The following DTNA variants were observed in gnomAD, a reference collection of about 807,000 sequenced individuals.
DTNA encodes dystrophin-related protein 3.
In DTNA, 43 loss-of-function variants were observed where a neutral mutation model predicts 100.7. The ratio of observed to expected loss-of-function variants is 0.43; its 90% CI spans 0.33 to 0.55. The LOEUF (loss-of-function observed/expected upper bound fraction) is 0.55. Among genes scored for constraint, DTNA ranks in the 20% least tolerant of loss-of-function variants. The probability of loss-of-function intolerance (pLI) is 0.04; values close to 1 mark genes in which losing one functional copy is unlikely to be tolerated. For missense variants in DTNA, 798 were observed against 953.9 expected, an observed-to-expected ratio of 0.84 and a Z score of 2.15; for synonymous variants, 349 against 347.9, an observed-to-expected ratio of 1.00 and a Z score of -0.04.
chr18:34,867,092 A>C (rs753147808), intron 17 of DTNA: 2 of 1,231,082 alleles, frequency 1.6e-6, no homozygotes, highest in East Asian at 6.3e-5. Context: ...TATCCCACTC[A>C]CTAGCATTAT....
chr18:34,583,130 T>G (rs2048795908), intron 1 of DTNA, among the ~76,000 whole-genome samples: 1 of 152,206 alleles, frequency 6.6e-6, no homozygotes, highest in South Asian at 2.1e-4. Context: ...GATATTTAAT[T>G]CCACAGATAA....
chr18:34,720,816 T>G (rs1006213835), intron 1 of DTNA, among the ~76,000 whole-genome samples: 2 of 152,174 alleles, frequency 1.3e-5, no homozygotes, highest in African/African-American at 2.4e-5. Flanking sequence ...CTCTGCTGTG[T>G]TACTCCCATC....
At chr18:34,776,811 T>C (rs1238866382) in intron 3 of DTNA, among the ~76,000 whole-genome samples, 2 of 152,198 alleles carry the variant, frequency 1.3e-5, no homozygotes, top group Non-Finnish European at 2.9e-5. Flanking sequence ...CAAGTCTTTT[T>C]TTGTTCTGCC....
intron 1 of DTNA, among the ~76,000 whole-genome samples, chr18:34,566,039 A>T (rs2512019): frequency 6.6e-6 from 1 of 152,198 alleles, no homozygotes; most frequent in East Asian, 1.9e-4. Flanking sequence ...AAATACACTC[A>T]ATGAAAATGG....
intron 3 of DTNA, among the ~76,000 whole-genome samples, chr18:34,786,319 G>A (rs539310626): frequency 1.4e-4 from 21 of 152,224 alleles, no homozygotes; most frequent in East Asian, 3.9e-4. Flanking sequence ...CTTCAAACCC[G>A]GTGTGTAAAC....
intron 1 of DTNA, among the ~76,000 whole-genome samples, chr18:34,637,389 A>G (rs1304467564): frequency 6.6e-6 from 1 of 152,194 alleles, no homozygotes; most frequent in Non-Finnish European, 1.5e-5. Context: ...CCCAAATGGG[A>G]AAATTATGGG....
chr18:34,704,400 C>G (rs1443970583), intron 1 of DTNA, among the ~76,000 whole-genome samples: 3 of 152,150 alleles, frequency 2.0e-5, no homozygotes, highest in Admixed American at 6.5e-5. Context: ...CTGATGTATT[C>G]CAAGTCCCTG....
At chr18:34,844,080 T>C (rs1051285786) in intron 13 of DTNA, among the ~76,000 whole-genome samples, 13 of 152,074 alleles carry the variant, frequency 8.5e-5, no homozygotes, top group Admixed American at 2.0e-4. Context: ...CCTGGAAATA[T>C]AAATCTAAAG....
intron 1 of DTNA, among the ~76,000 whole-genome samples, chr18:34,555,754 T>A (rs2045963688): frequency 1.3e-5 from 2 of 152,250 alleles, no homozygotes; most frequent in African/African-American, 2.4e-5. Context: ...TTTGTTATTA[T>A]CTCTGTTCTT....
intron 4 of DTNA, among the ~76,000 whole-genome samples, chr18:34,805,795 A>G (rs865825343): frequency 4.6e-5 from 7 of 152,308 alleles, no homozygotes; most frequent in Non-Finnish European, 8.8e-5. Flanking sequence ...CAAAAAAAAA[A>G]AAAAATGATG....
intron 13 of DTNA, among the ~76,000 whole-genome samples, chr18:34,848,053 T>C (rs1299459676): frequency 6.6e-6 from 1 of 152,212 alleles, no homozygotes; most frequent in Non-Finnish European, 1.5e-5. Context: ...GTCACCTCTC[T>C]GTGAGGCTTT....
chr18:34,643,893 T>G (rs2059558186), intron 1 of DTNA, among the ~76,000 whole-genome samples: 1 of 152,152 alleles, frequency 6.6e-6, no homozygotes, highest in African/African-American at 2.4e-5. Context: ...CCTATAAAAT[T>G]ATAAGCTCCT....
chr18:34,507,931 G>A (rs181745510), intron 1 of DTNA, among the ~76,000 whole-genome samples: 44 of 152,232 alleles, frequency 2.9e-4, no homozygotes, highest in Admixed American at 2.6e-3. Context: ...TTTGGAAAAT[G>A]TATTTATTAT....
intron 4 of DTNA, among the ~76,000 whole-genome samples, chr18:34,795,726 G>A (rs2094940248): frequency 6.6e-6 from 1 of 152,170 alleles, no homozygotes; most frequent in Non-Finnish European, 1.5e-5. Context: ...AGTACTGCTA[G>A]AGAACTCATA....
At chr18:34,867,430 C>G in intron 17 of DTNA, 2 of 1,226,456 alleles carry the variant, frequency 1.6e-6, no homozygotes, top group Non-Finnish European at 2.0e-6. Context: ...ATAACACATA[C>G]AGCCTGTATA....
intron 1 of DTNA, chr18:34,504,178 G>C (rs1014571025): frequency 6.6e-6 from 1 of 151,556 alleles, no homozygotes; most frequent in Non-Finnish European, 1.5e-5. Context: ...GTTTTGTTTT[G>C]TTTTTTTAAT....
At chr18:34,874,570 T>G (rs1009637842) in intron 17 of DTNA, among the ~76,000 whole-genome samples, 6 of 152,194 alleles carry the variant, frequency 3.9e-5, no homozygotes, top group Admixed American at 6.5e-5. Context: ...AGAATACTGC[T>G]TTTTCATAGG....
intron 1 of DTNA, among the ~76,000 whole-genome samples, chr18:34,667,435 C>T (rs950111780): frequency 5.3e-5 from 8 of 152,134 alleles, no homozygotes; most frequent in African/African-American, 1.4e-4. Flanking sequence ...TGCCTAATTG[C>T]CCTGGCCAGA....
At chr18:34,624,410 A>G (rs912361507) in intron 1 of DTNA, among the ~76,000 whole-genome samples, 5 of 152,212 alleles carry the variant, frequency 3.3e-5, no homozygotes, top group Admixed American at 1.3e-4. Context: ...TGATATAGCA[A>G]CTGCCCCTTA....
Sources: gnomAD v4.1 joint callset for allele counts (sites outside exome capture counted in the v4.1 genomes callset) on GRCh38, gnomAD v4.1.1 for gene constraint, MANE v1.5 for transcripts, NCBI Gene and HGNC (gene_info 2026-07-23, HGNC 2026-07-21) for gene names.